Variants in SLC38A12 observed in about 807,000 individuals in gnomAD.
SLC38A12 encodes the protein solute carrier family 38 member 12.
At chr17:74,828,991 G>GT in the SLC38A12 span, among the ~76,000 whole-genome samples, 1 of 152,102 alleles carries the variant, frequency 6.6e-6, no homozygotes, top group Non-Finnish European at 1.5e-5. Flanking sequence ...ACCTGGGGAA[G>GT]TTTTTAATTT....
chr17:74,793,081 A>AC, the SLC38A12 span, among the ~76,000 whole-genome samples: 1 of 152,126 alleles, frequency 6.6e-6, no homozygotes, highest in Admixed American at 6.5e-5. Flanking sequence ...TTTGCCCCCC[A>AC]CTACAGACTA....
the SLC38A12 span, among the ~76,000 whole-genome samples, chr17:74,791,237 CAA>C: frequency 6.6e-6 from 1 of 151,506 alleles, no homozygotes; most frequent in Non-Finnish European, 1.5e-5. Context: ...GCATTAAAAA[CAA>C]AGAGGCCGCT....
the SLC38A12 span, chr17:74,838,523 AT>A: frequency 9.4e-7 from 1 of 1,062,788 alleles, no homozygotes; most frequent in South Asian, 3.7e-5. Flanking sequence ...GCCCAGGTTG[AT>A]TTATGTGACA....
chr17:74,791,015 GCCT>G, the SLC38A12 span: 1 of 1,613,978 alleles, frequency 6.2e-7, no homozygotes, highest in Non-Finnish European at 8.5e-7. Context: ...GGGACAAATG[GCCT>G]CCATGTTCTT....
chr17:74,792,467 C>T, the SLC38A12 span, among the ~76,000 whole-genome samples: 3 of 152,198 alleles, frequency 2.0e-5, no homozygotes, highest in East Asian at 5.8e-4. Context: ...AAAAGAAAAC[C>T]AGAAAAAAGA....
At chr17:74,830,301 G>A in the SLC38A12 span, among the ~76,000 whole-genome samples, 3 of 152,366 alleles carry the variant, frequency 2.0e-5, no homozygotes, top group South Asian at 6.2e-4. Context: ...GGGAGGGAGA[G>A]ATGTTGACTT....
chr17:74,788,745 C>T, the SLC38A12 span: 20 of 1,579,506 alleles, frequency 1.3e-5, no homozygotes, highest in Non-Finnish European at 1.7e-5. Flanking sequence ...TCTCTGTCTC[C>T]TCCAACCTGT....
At chr17:74,790,270 C>T in the SLC38A12 span, 2 of 1,614,130 alleles carry the variant, frequency 1.2e-6, no homozygotes, top group Non-Finnish European at 1.7e-6. Flanking sequence ...TACGAGCGGG[C>T]AGAGAAGCGG....
the SLC38A12 span, among the ~76,000 whole-genome samples, chr17:74,812,180 C>T: frequency 1.3e-5 from 2 of 151,528 alleles, no homozygotes; most frequent in East Asian, 2.0e-4. Context: ...AAGCCACGCT[C>T]ATGTCTGTTG....
chr17:74,835,138 C>T, the SLC38A12 span, among the ~76,000 whole-genome samples: 4 of 152,316 alleles, frequency 2.6e-5, no homozygotes, highest in East Asian at 7.7e-4. Context: ...CAGATGGGGC[C>T]ACAGGCCCCC....
At chr17:74,798,325 G>A in the SLC38A12 span, among the ~76,000 whole-genome samples, 6 of 152,172 alleles carry the variant, frequency 3.9e-5, no homozygotes, top group African/African-American at 1.2e-4. Context: ...GCACACACAC[G>A]GTGAGAATCC....
chr17:74,777,196 G>A, the SLC38A12 span: 1 of 971,804 alleles, frequency 1.0e-6, no homozygotes, highest in African/African-American at 1.6e-5. Context: ...GGCAGGGGAA[G>A]TCTGCAAGCC....
At chr17:74,797,063 T>A in the SLC38A12 span, among the ~76,000 whole-genome samples, 1 of 152,154 alleles carries the variant, frequency 6.6e-6, no homozygotes, top group Non-Finnish European at 1.5e-5. Context: ...GTTTGGTGGG[T>A]CTTTGCTGGG....
chr17:74,815,831 C>T, the SLC38A12 span, among the ~76,000 whole-genome samples: 2 of 152,152 alleles, frequency 1.3e-5, no homozygotes, highest in Non-Finnish European at 2.9e-5. Context: ...CAAACCACTC[C>T]AAGAGGAAAG....
the SLC38A12 span, among the ~76,000 whole-genome samples, chr17:74,811,874 A>AT: frequency 6.6e-6 from 1 of 151,972 alleles, no homozygotes. Context: ...CTCTGCAAAA[A>AT]AAATAATAAT....
At chr17:74,783,616 C>T in the SLC38A12 span, among the ~76,000 whole-genome samples, 1 of 152,090 alleles carries the variant, frequency 6.6e-6, no homozygotes, top group African/African-American at 2.4e-5. Context: ...ATCCAGTTAG[C>T]ACCTGCTGGG....
At chr17:74,789,963 GT>G in the SLC38A12 span, among the ~76,000 whole-genome samples, 2,707 of 84,354 alleles carry the variant, frequency 0.032, 92 homozygotes, top group African/African-American at 0.12. Flanking sequence ...TTGTTTTTTT[GT>G]TTTTTTGAGA....
chr17:74,836,460 G>A, the SLC38A12 span: 2 of 1,608,712 alleles, frequency 1.2e-6, no homozygotes, highest in Admixed American at 1.7e-5. This position sits in a 1 kb window ranked among gnomAD's most constrained non-coding sequence, Gnocchi z 4.2. Context: ...GGAGTCCCTG[G>A]TGGGCATCAC....
At chr17:74,808,349 G>A in the SLC38A12 span, among the ~76,000 whole-genome samples, 8 of 152,240 alleles carry the variant, frequency 5.3e-5, no homozygotes, top group African/African-American at 1.7e-4. Flanking sequence ...AAGATGACCT[G>A]TTTCGAATCC....
Sources: gnomAD v4.1 joint callset for allele counts (sites outside exome capture counted in the v4.1 genomes callset) on GRCh38, gnomAD v4.1.1 for gene constraint, Gnocchi (gnomAD v3.1) non-coding constraint, MANE v1.5 for transcripts, NCBI Gene and HGNC (gene_info 2026-07-23, HGNC 2026-07-21) for gene names.